The following ENTREP2 variants were observed in gnomAD, a reference collection of about 807,000 sequenced individuals.
The protein encoded by ENTREP2 is protein ENTREP2.
At chr15:29,651,328 T>C in the ENTREP2 span, among the ~76,000 whole-genome samples, 4 of 152,200 alleles carry the variant, frequency 2.6e-5, no homozygotes, top group African/African-American at 4.8e-5. Flanking sequence ...AACCTAGATA[T>C]TAGGTATTCT....
the ENTREP2 span, among the ~76,000 whole-genome samples, chr15:29,526,109 G>A: frequency 6.6e-5 from 10 of 152,318 alleles, no homozygotes; most frequent in East Asian, 1.9e-3. Flanking sequence ...TACAAGAATT[G>A]ATTGTGCAAG....
chr15:29,448,038 C>A, the ENTREP2 span, among the ~76,000 whole-genome samples: 9 of 152,034 alleles, frequency 5.9e-5, no homozygotes, highest in African/African-American at 2.2e-4. Flanking sequence ...TCTAGCACTG[C>A]ACTCTAGCCT....
the ENTREP2 span, among the ~76,000 whole-genome samples, chr15:29,400,153 C>G: frequency 6.6e-6 from 1 of 152,156 alleles, no homozygotes; most frequent in African/African-American, 2.4e-5. Flanking sequence ...AAAATTAAAG[C>G]ACAAAGAGAT....
At chr15:29,485,548 CAGA>C in the ENTREP2 span, among the ~76,000 whole-genome samples, 1 of 152,146 alleles carries the variant, frequency 6.6e-6, no homozygotes, top group South Asian at 2.1e-4. Context: ...GTCCCTGGGA[CAGA>C]AGATTACCAT....
At chr15:29,393,790 A>G in the ENTREP2 span, among the ~76,000 whole-genome samples, 10 of 152,094 alleles carry the variant, frequency 6.6e-5, no homozygotes, top group Non-Finnish European at 1.5e-4. Flanking sequence ...ATGAAACTTT[A>G]TTTAGCTAAT....
the ENTREP2 span, among the ~76,000 whole-genome samples, chr15:29,379,889 T>C: frequency 1.3e-5 from 2 of 152,110 alleles, no homozygotes; most frequent in Non-Finnish European, 2.9e-5. Context: ...GAGAGCTTAA[T>C]CTGTCTGCAC....
chr15:29,593,646 A>G, the ENTREP2 span, among the ~76,000 whole-genome samples: 2 of 152,284 alleles, frequency 1.3e-5, no homozygotes, highest in East Asian at 1.9e-4. Flanking sequence ...ATATTCTTAT[A>G]TTTGTCCTTG....
chr15:29,615,820 T>C, the ENTREP2 span, among the ~76,000 whole-genome samples: 1 of 152,170 alleles, frequency 6.6e-6, no homozygotes, highest in Non-Finnish European at 1.5e-5. Context: ...AAATGGGAAT[T>C]GGAAAAAAAT....
the ENTREP2 span, among the ~76,000 whole-genome samples, chr15:29,340,813 C>T: frequency 6.6e-6 from 1 of 152,314 alleles, no homozygotes; most frequent in African/African-American, 2.4e-5. Context: ...TCCCAAACCC[C>T]TTCAAGAAGC....
At chr15:29,383,070 A>C in the ENTREP2 span, among the ~76,000 whole-genome samples, 15,438 of 151,274 alleles carry the variant, frequency 0.1, 1,332 homozygotes, top group African/African-American at 0.23. Context: ...CCTCTCCCCA[A>C]CCTCTTCCTG....
chr15:29,161,787 T>C, the ENTREP2 span, among the ~76,000 whole-genome samples: 1 of 152,164 alleles, frequency 6.6e-6, no homozygotes, highest in Non-Finnish European at 1.5e-5. Context: ...AGTAAAGTAA[T>C]GCAGCACACA....
chr15:29,158,031 T>C, the ENTREP2 span, among the ~76,000 whole-genome samples: 1 of 152,252 alleles, frequency 6.6e-6, no homozygotes, highest in Non-Finnish European at 1.5e-5. Context: ...GCGACATCTC[T>C]TAATGTACCA....
chr15:29,252,624 G>A, the ENTREP2 span: 3 of 501,660 alleles, frequency 6.0e-6, no homozygotes, highest in South Asian at 1.3e-4. Context: ...AAAGGAAAGT[G>A]GTAGGTTATT....
the ENTREP2 span, among the ~76,000 whole-genome samples, chr15:29,522,096 T>G: frequency 6.6e-6 from 1 of 152,128 alleles, no homozygotes; most frequent in Admixed American, 6.6e-5. Context: ...GAAATAAACC[T>G]CAATCCATAT....
the ENTREP2 span, chr15:29,233,832 A>T: frequency 5.1e-6 from 8 of 1,580,398 alleles, no homozygotes; most frequent in Non-Finnish European, 7.0e-6. Context: ...GAAGATTAAA[A>T]AGGAGTAGAA....
At chr15:29,524,024 T>A in the ENTREP2 span, among the ~76,000 whole-genome samples, 1 of 152,064 alleles carries the variant, frequency 6.6e-6, no homozygotes, top group African/African-American at 2.4e-5. Context: ...AACAAAAAAA[T>A]AGATGGGATA....
chr15:29,323,401 T>C, the ENTREP2 span, among the ~76,000 whole-genome samples: 1 of 152,204 alleles, frequency 6.6e-6, no homozygotes, highest in South Asian at 2.1e-4. Flanking sequence ...CGGAGGTTCC[T>C]GGAGGGTGGC....
the ENTREP2 span, among the ~76,000 whole-genome samples, chr15:29,626,048 A>G: frequency 1.3e-5 from 2 of 152,138 alleles, no homozygotes; most frequent in African/African-American, 4.8e-5. Context: ...GGGTTTCGCC[A>G]TGTTGGCCAG....
chr15:29,351,483 G>A, the ENTREP2 span, among the ~76,000 whole-genome samples: 15 of 152,100 alleles, frequency 9.9e-5, no homozygotes, highest in African/African-American at 3.6e-4. Context: ...AGGAACTAAG[G>A]ATGTGCAAGA....
Sources: allele counts gnomAD v4.1 joint callset (sites outside exome capture counted in the v4.1 genomes callset), GRCh38; gene constraint gnomAD v4.1.1; transcripts MANE v1.5; gene names NCBI Gene and HGNC (gene_info 2026-07-23, HGNC 2026-07-21).